ATXN1: variants seen among roughly 807,000 people sequenced by gnomAD.
ATXN1 encodes the protein ataxin-1.
A neutral mutation model predicts 56.4 loss-of-function variants in ATXN1; 8 were observed. The ratio of observed to expected loss-of-function variants is 0.14; its 90% CI spans 0.08 to 0.26. The LOEUF is 0.26. Ranked by LOEUF, ATXN1 falls within the 10% of genes least tolerant of loss-of-function variation. The pLI, the probability that ATXN1 is intolerant of heterozygous loss-of-function variation, is 1.00. For missense variants in ATXN1, 987 were observed against 1,106.5 expected (o/e 0.89, Z 1.53); for synonymous variants, 514 against 494.6 (o/e 1.04, Z -0.52).
chr6:16,693,715 AG>A (rs1759097636), intron 2 of ATXN1, among the ~76,000 whole-genome samples: 1 of 152,186 alleles, frequency 6.6e-6, no homozygotes, highest in South Asian at 2.1e-4. Context: ...AAGTACCTTC[AG>A]GGAAAGATTA....
rs544192980 is a variant in ATXN1, at chr6:16,644,048, A to G, written c.-489+13728T>C. On this transcript the variant is annotated intron_variant, in intron 3 of 7. Transcript: ENST00000436367. ...TTCCATGTGGTCCCTAAAATAAGAA[A>G]CTTCATAGAGACACAGTGTACAATA... 3.9e-5 allele frequency among the ~76,000 whole-genome samples: 6 copies of G among 152,324 alleles called. No homozygotes were observed. The South Asian group carries it at 1.0e-3, about 26-fold the overall frequency.
At chr6:16,524,642 G>A (rs1761356641) in intron 4 of ATXN1, among the ~76,000 whole-genome samples, 1 of 152,152 alleles carries the variant, frequency 6.6e-6, no homozygotes, top group Non-Finnish European at 1.5e-5. Flanking sequence ...GTGGCGCTTG[G>A]TACACAGAAG....
rs1339091446 is a variant in ATXN1 at position 16,506,071 on chromosome 6, AGG to A, written c.-299+16554_-299+16555del. Among the ~76,000 whole-genome samples the A allele has an allele frequency of 6.6e-6, 1 of 152,186 alleles. No individual in the cohort carries two copies. Among genetic ancestry groups the A allele is most frequent in the Non-Finnish European group, 1.5e-5 (1 of 68,032 alleles). ...AGGCTGAGAGCATCATGGTTTTGGCAGGGAACTCAGAAAATCTTGGCATCAGG... is the reference window on the plus strand; with the variant it reads ...AGGCTGAGAGCATCATGGTTTTGGCAGAACTCAGAAAATCTTGGCATCAGG... On this transcript the variant is annotated intron_variant, in intron 5 of 7. Transcript: ENST00000436367. This position sits in a 1 kb window ranked among gnomAD's most constrained non-coding sequence, Gnocchi z 4.1.
intron 2 of ATXN1, among the ~76,000 whole-genome samples, chr6:16,677,751 G>A (rs1462498184): frequency 2.0e-5 from 3 of 152,200 alleles, no homozygotes; most frequent in African/African-American, 4.8e-5. Flanking sequence ...TTCACGGGAT[G>A]ACTAATTGTG....
intron 5 of ATXN1, among the ~76,000 whole-genome samples, chr6:16,490,894 C>G (rs1365724594): frequency 1.3e-5 from 2 of 151,860 alleles, no homozygotes. Flanking sequence ...CTAAGAGGAG[C>G]AACACACTCT....
intron 6 of ATXN1, among the ~76,000 whole-genome samples, chr6:16,344,128 C>T (rs1394317798): frequency 6.6e-6 from 1 of 152,170 alleles, no homozygotes; most frequent in Non-Finnish European, 1.5e-5. Context: ...CTCCTTAAGG[C>T]TCTCCCCACT....
intron 2 of ATXN1, among the ~76,000 whole-genome samples, chr6:16,745,254 T>C (rs1561835274): frequency 6.6e-6 from 1 of 152,234 alleles, no homozygotes; most frequent in Non-Finnish European, 1.5e-5. Flanking sequence ...TTGAGCCTTC[T>C]GATGTGAGTG....
chr6:16,670,536 G>A (rs1304088819), intron 2 of ATXN1, among the ~76,000 whole-genome samples: 1 of 152,198 alleles, frequency 6.6e-6, no homozygotes, highest in Non-Finnish European at 1.5e-5. Context: ...TACATGCAGA[G>A]GACCAAGAAC....
intron 6 of ATXN1, among the ~76,000 whole-genome samples, chr6:16,358,360 T>G (rs1020332565): frequency 5.9e-5 from 9 of 152,152 alleles, no homozygotes; most frequent in Non-Finnish European, 1.2e-4. Flanking sequence ...CACATGCATG[T>G]TTACAGCAGC....
At chr6:16,603,769 T>A (rs1762952828) in intron 3 of ATXN1, among the ~76,000 whole-genome samples, 1 of 152,034 alleles carries the variant, frequency 6.6e-6, no homozygotes, top group African/African-American at 2.4e-5. Context: ...GGGGAAGTGT[T>A]CCACCAGGTG....
intron 6 of ATXN1, among the ~76,000 whole-genome samples, chr6:16,418,250 A>G (rs576332097): frequency 6.6e-6 from 1 of 152,356 alleles, no homozygotes; most frequent in South Asian, 2.1e-4. Flanking sequence ...TTATAAAAGT[A>G]AATATTGTTC....
chr6:16,539,793 G>A (rs1398623917), intron 4 of ATXN1, among the ~76,000 whole-genome samples: 2 of 152,082 alleles, frequency 1.3e-5, no homozygotes, highest in Non-Finnish European at 2.9e-5. Flanking sequence ...GATCAATACA[G>A]GACACCTCTG....
intron 2 of ATXN1, among the ~76,000 whole-genome samples, chr6:16,672,123 C>G: frequency 6.6e-6 from 1 of 152,096 alleles, no homozygotes; most frequent in East Asian, 1.9e-4. Context: ...TTCAACAGGA[C>G]TAAGTTGTAT....
intron 5 of ATXN1, among the ~76,000 whole-genome samples, chr6:16,494,247 A>G (rs1182212031): frequency 6.6e-6 from 1 of 152,236 alleles, no homozygotes; most frequent in African/African-American, 2.4e-5. Flanking sequence ...TCTGAAGAAT[A>G]TGATTTATTC....
At chr6:16,430,407 T>C (rs892237691) in intron 6 of ATXN1, among the ~76,000 whole-genome samples, 8 of 151,728 alleles carry the variant, frequency 5.3e-5, no homozygotes, top group African/African-American at 7.3e-5. Context: ...GCCCAGCCTG[T>C]GGTACACAAA....
chr6:16,327,206 C>G lies in ATXN1; in HGVS notation c.1105G>C (p.Asp369His), dbSNP rs758326425. The G allele has an allele frequency of 1.2e-6, 2 of 1,613,854 alleles. No homozygotes were observed. The highest frequency in any genetic ancestry group is 1.7e-6 in the Non-Finnish European group (2 of 1,179,884). ...CCCGAAGGATCACGACTGCTGTAGT[C>G]TGAGGGGCTCGGGTGGACCACCACG... ...RHVVVHPSPS[D>H]YSSRDPSGVR... Residue 369 changes from aspartate to histidine, a missense_variant, in exon 7 of 8, where the codon GAC (aspartate) becomes CAC (histidine). Physicochemically the swap from Asp to His is moderately conservative, Grantham distance 81 (BLOSUM62 -1). Transcript: ENST00000436367.
At chr6:16,359,928 G>T (rs1222855883) in intron 6 of ATXN1, among the ~76,000 whole-genome samples, 2 of 152,056 alleles carry the variant, frequency 1.3e-5, no homozygotes, top group African/African-American at 2.4e-5. Context: ...AAGGGTGGGA[G>T]GGGGGTGAGG....
At chr6:16,494,763 G>A (rs116855116) in intron 5 of ATXN1, among the ~76,000 whole-genome samples, 2,747 of 152,314 alleles carry the variant, frequency 0.018, 37 homozygotes, top group East Asian at 0.053. Flanking sequence ...GCTGTAGAAC[G>A]ACGTCTCAGG....
intron 6 of ATXN1, among the ~76,000 whole-genome samples, chr6:16,342,039 C>T (rs1761262896): frequency 6.6e-6 from 1 of 152,020 alleles, no homozygotes; most frequent in Non-Finnish European, 1.5e-5. Context: ...CCACACCTGG[C>T]TATGTTATTT....
Sources: allele counts gnomAD v4.1 joint callset (sites outside exome capture counted in the v4.1 genomes callset), GRCh38; gene constraint gnomAD v4.1.1; non-coding constraint Gnocchi (gnomAD v3.1); transcripts MANE v1.5; gene names NCBI Gene and HGNC (gene_info 2026-07-23, HGNC 2026-07-21).